FGGY: variants seen among roughly 807,000 people sequenced by gnomAD.
FGGY encodes FGGY carbohydrate kinase domain-containing protein.
In FGGY, 72 loss-of-function variants were observed where a neutral mutation model predicts 71.3. The observed-to-expected ratio is 1.01, with a 90% confidence interval of 0.84 to 1.23. The LOEUF (loss-of-function observed/expected upper bound fraction) is 1.23, where lower values mean the gene tolerates loss of function less well. Among genes scored for constraint, FGGY ranks in the 50% most tolerant of loss-of-function variants. The probability of loss-of-function intolerance (pLI) is 0.00; values close to 1 mark genes in which losing one functional copy is unlikely to be tolerated. For synonymous variants in FGGY, 251 were observed against 250.3 expected (o/e 1.00, Z -0.02); for missense variants, 668 against 682.3 (o/e 0.98, Z 0.23).
chr1:59,516,451 G>C (rs1360102097), intron 7 of FGGY, among the ~76,000 whole-genome samples: 1 of 152,206 alleles, frequency 6.6e-6, no homozygotes, highest in African/African-American at 2.4e-5. Flanking sequence ...GTTTGGGACA[G>C]CTAATCCCTG....
At chr1:59,325,427 C>A (rs1042776834) in intron 2 of FGGY, among the ~76,000 whole-genome samples, 2 of 151,990 alleles carry the variant, frequency 1.3e-5, no homozygotes. Flanking sequence ...GAGTGTCTTC[C>A]TTGGTGACTT....
At chr1:59,422,632 C>T (rs2065648449) in intron 5 of FGGY, among the ~76,000 whole-genome samples, 1 of 151,164 alleles carries the variant, frequency 6.6e-6, no homozygotes, top group African/African-American at 2.4e-5. Flanking sequence ...GAGGTTGAGG[C>T]TGCAGTGAGC....
At chr1:59,476,137 C>G (rs1203837675) in intron 6 of FGGY, among the ~76,000 whole-genome samples, 2 of 152,158 alleles carry the variant, frequency 1.3e-5, no homozygotes, top group African/African-American at 4.8e-5. Flanking sequence ...CATGGTCTAC[C>G]TCTTTCTCTT....
chr1:59,671,915 A>T (rs1317312910), intron 13 of FGGY, among the ~76,000 whole-genome samples: 1 of 152,122 alleles, frequency 6.6e-6, no homozygotes, highest in Non-Finnish European at 1.5e-5. Flanking sequence ...TAGGGGATTC[A>T]CCAGGTTCAC....
intron 6 of FGGY, among the ~76,000 whole-genome samples, chr1:59,498,971 T>C (rs1187383172): frequency 6.6e-6 from 1 of 152,254 alleles, no homozygotes; most frequent in Non-Finnish European, 1.5e-5. Context: ...CTGCTGCTTC[T>C]GCTTTTGCAC....
chr1:59,494,448 C>A (rs1570116693), intron 6 of FGGY, among the ~76,000 whole-genome samples: 1 of 152,128 alleles, frequency 6.6e-6, no homozygotes, highest in East Asian at 1.9e-4. Context: ...ATAGAAAAGA[C>A]CAGTTTAGCA....
chr1:59,698,694 C>T lies in FGGY; in HGVS notation c.1512+24561C>T, dbSNP rs561922943. 9 of 927,856 alleles carry T rather than the reference C, an allele frequency of 9.7e-6. No individual in the cohort carries two copies. In the South Asian group the frequency reaches 3.5e-4, roughly 36 times the overall value. 57.5% of individuals were successfully genotyped at this position (927,856 alleles called of 1,614,324 possible). A position where few individuals can be genotyped will look rare whatever the true frequency, so the allele number is the denominator to read the frequency against. ...TTCTTTTGATAAACAGGACAGCTGT[C>T]CCCAAAGGGATGAATCCATTACCTT... On this transcript the variant is annotated intron_variant, in intron 14 of 15. Coordinates refer to ENST00000303721, the MANE Select transcript of FGGY (RefSeq NM_018291.5).
intron 9 of FGGY, among the ~76,000 whole-genome samples, chr1:59,615,479 C>G (rs370144458): frequency 6.6e-6 from 1 of 151,994 alleles, no homozygotes; most frequent in South Asian, 2.1e-4. Context: ...TCCTTACACC[C>G]TATACAAAAA....
At chr1:59,422,286 T>C (rs781350626) in intron 5 of FGGY, among the ~76,000 whole-genome samples, 1 of 152,232 alleles carries the variant, frequency 6.6e-6, no homozygotes, top group Non-Finnish European at 1.5e-5. Flanking sequence ...TTCAATGCCT[T>C]TTAATAGATT....
At chr1:59,423,501 A>G (rs983947968) in intron 5 of FGGY, among the ~76,000 whole-genome samples, 7 of 152,202 alleles carry the variant, frequency 4.6e-5, no homozygotes, top group African/African-American at 1.7e-4. Context: ...ATATTACAAC[A>G]GCCTCCATAC....
chr1:59,667,024 G>A (rs935016215), intron 12 of FGGY, among the ~76,000 whole-genome samples: 5 of 152,184 alleles, frequency 3.3e-5, no homozygotes, highest in African/African-American at 1.2e-4. Flanking sequence ...GTTTTTGTCA[G>A]TGTTGTGTAA....
At chr1:59,494,493 G>T (rs1047554068) in intron 6 of FGGY, among the ~76,000 whole-genome samples, 2 of 152,126 alleles carry the variant, frequency 1.3e-5, no homozygotes, top group Admixed American at 1.3e-4. Context: ...CAAGTGATGG[G>T]GTAAGAGGTG....
At chr1:59,516,181 C>T (rs74472538) in intron 7 of FGGY, among the ~76,000 whole-genome samples, 2 of 152,106 alleles carry the variant, frequency 1.3e-5, no homozygotes, top group East Asian at 3.9e-4. Flanking sequence ...GGCCTGGGTG[C>T]AAATGTTTCC....
At chr1:59,652,445 C>G (rs373557966) in intron 11 of FGGY, among the ~76,000 whole-genome samples, 17 of 145,552 alleles carry the variant, frequency 1.2e-4, no homozygotes, top group Non-Finnish European at 2.3e-4. Flanking sequence ...GGAGGCTTTG[C>G]TCATTTCTTT....
chr1:59,482,226 T>G (rs552095597), intron 6 of FGGY, among the ~76,000 whole-genome samples: 3 of 152,304 alleles, frequency 2.0e-5, no homozygotes, highest in South Asian at 2.1e-4. Context: ...ACCAAGATCC[T>G]TTTATCACCA....
chr1:59,695,288 T>C (rs2097647489), intron 14 of FGGY, among the ~76,000 whole-genome samples: 1 of 152,096 alleles, frequency 6.6e-6, no homozygotes, highest in African/African-American at 2.4e-5. Context: ...AGAGGACAGG[T>C]GCCATGACAC....
chr1:59,468,517 A>T (rs960589542), intron 6 of FGGY, among the ~76,000 whole-genome samples: 5 of 152,318 alleles, frequency 3.3e-5, no homozygotes, highest in African/African-American at 1.2e-4. Context: ...GAGTAAAATA[A>T]ACTGAACATT....
At chr1:59,731,004 A>G (rs1040961861) in intron 14 of FGGY, among the ~76,000 whole-genome samples, 3 of 152,206 alleles carry the variant, frequency 2.0e-5, no homozygotes, top group African/African-American at 7.2e-5. Flanking sequence ...ACTCGACAAA[A>G]TGTCACCAAT....
At chr1:59,364,312 T>C (rs1013947443) in intron 4 of FGGY, among the ~76,000 whole-genome samples, 1 of 152,214 alleles carries the variant, frequency 6.6e-6, no homozygotes, top group Admixed American at 6.5e-5. Context: ...AAGGACCTGC[T>C]AACCCTGAGA....
Sources: allele counts gnomAD v4.1 joint callset (sites outside exome capture counted in the v4.1 genomes callset), GRCh38; gene constraint gnomAD v4.1.1; transcripts MANE v1.5; gene names NCBI Gene and HGNC (gene_info 2026-07-23, HGNC 2026-07-21).